Variants in NAV3 observed in about 807,000 individuals in gnomAD.
The protein encoded by NAV3 is neuron navigator 3.
NAV3 carries 87 observed loss-of-function variants against 244.7 expected under a neutral mutation model. That is an observed-to-expected ratio of 0.36 (90% confidence interval 0.30 to 0.42). The LOEUF (loss-of-function observed/expected upper bound fraction) is 0.42. Ranked by LOEUF, NAV3 falls within the 20% of genes least tolerant of loss-of-function variation. The probability of loss-of-function intolerance (pLI) is 1.00; values close to 1 mark genes in which losing one functional copy is unlikely to be tolerated. For missense variants in NAV3, 2,663 were observed against 2,893.3 expected, an observed-to-expected ratio of 0.92 and a Z score of 1.83; for synonymous variants, 1,126 against 1,042.2, an observed-to-expected ratio of 1.08 and a Z score of -1.55.
chr12:78,110,662 C>T (rs571025405), intron 12 of NAV3, among the ~76,000 whole-genome samples: 1 of 151,774 alleles, frequency 6.6e-6, no homozygotes, highest in Admixed American at 6.6e-5. Context: ...GAATAGAAAG[C>T]TCAGAAATAA....
intron 2 of NAV3, among the ~76,000 whole-genome samples, chr12:77,654,597 G>C (rs958400043): frequency 6.6e-6 from 1 of 152,138 alleles, no homozygotes; most frequent in Non-Finnish European, 1.5e-5. Flanking sequence ...GCTTTGAGGA[G>C]AGCAGTGGTT....
intron 7 of NAV3, among the ~76,000 whole-genome samples, chr12:78,005,217 G>A (rs895164617): frequency 2.6e-5 from 4 of 152,130 alleles, no homozygotes; most frequent in African/African-American, 9.7e-5. Flanking sequence ...TGACATTAGG[G>A]GAACCTGAAG....
chr12:78,050,737 T>C (rs770934226), intron 10 of NAV3, 27 bp from the exon 11 acceptor site: 2 of 1,560,930 alleles, frequency 1.3e-6, no homozygotes, highest in Non-Finnish European at 1.7e-6. Context: ...AACCAGAGTA[T>C]AGTTATTTCT....
rs1450103692 is a variant in NAV3 at position 78,128,840 on chromosome 12, C to G, written c.4415C>G (p.Ala1472Gly). 1 of 1,613,612 alleles carries G rather than the reference C, an allele frequency of 6.2e-7. No homozygotes were observed. Among genetic ancestry groups the G allele is most frequent in the Non-Finnish European group, 8.5e-7 (1 of 1,179,834 alleles). Reference protein sequence around the residue: ...VSPSAMSSSAAGKYHFSNLVS... With the variant: ...VSPSAMSSSAGGKYHFSNLVS... ...CCTTCTGCCATGTCATCTTCTGCAG[C>G]TGGAAAATACCACTTTTCTAACTTG... is the stretch of plus-strand genomic sequence containing the variant. Residue 1472 changes from alanine (A) to glycine (G), a missense_variant, in exon 18 of 40, where the codon GCT becomes GGT. Physicochemically the swap from Ala to Gly is moderately conservative, Grantham distance 60 (BLOSUM62 0). Coordinates refer to ENST00000397909, the MANE Select transcript of NAV3 (RefSeq NM_001024383.2).
At chr12:77,821,401 C>T (rs1364046168) in intron 2 of NAV3, among the ~76,000 whole-genome samples, 3 of 152,284 alleles carry the variant, frequency 2.0e-5, no homozygotes, top group African/African-American at 7.2e-5. Flanking sequence ...GATTTACTCT[C>T]AATCCCTGAA....
At chr12:78,032,765 T>A (rs1439030654) in intron 9 of NAV3, among the ~76,000 whole-genome samples, 1 of 152,228 alleles carries the variant, frequency 6.6e-6, no homozygotes, top group Non-Finnish European at 1.5e-5. Flanking sequence ...TATTCTCACA[T>A]TCATTGACAG....
chr12:77,938,977 G>C (rs1329069406), intron 1 of NAV3, among the ~76,000 whole-genome samples: 1 of 149,882 alleles, frequency 6.7e-6, no homozygotes, highest in African/African-American at 2.5e-5. Context: ...GTGGCATGGT[G>C]TGAAGTGCGG....
chr12:78,147,923 T>C (rs746191987), intron 21 of NAV3, among the ~76,000 whole-genome samples: 9 of 152,094 alleles, frequency 5.9e-5, no homozygotes, highest in Admixed American at 4.6e-4. Flanking sequence ...AGACTAGATA[T>C]ATACTTATAG....
chr12:78,116,742 A>T (rs1231557670), intron 12 of NAV3, 30 bp from the exon 13 acceptor site: 1 of 1,521,040 alleles, frequency 6.6e-7, no homozygotes, highest in Non-Finnish European at 8.9e-7. Context: ...CCTGTGTTTG[A>T]TTCACTGCTC....
chr12:77,784,253 C>T (rs2135924857), intron 2 of NAV3, among the ~76,000 whole-genome samples: 1 of 152,262 alleles, frequency 6.6e-6, no homozygotes, highest in East Asian at 1.9e-4. Context: ...GATGTCCCCT[C>T]TCCCCTAGAT....
intron 2 of NAV3, among the ~76,000 whole-genome samples, chr12:77,820,089 AGT>A (rs77744703): frequency 0.52 from 78,511 of 151,054 alleles, 21,108 homozygotes; most frequent in Non-Finnish European, 0.6. Flanking sequence ...AATAAATTGA[AGT>A]GTGTGTGTGT....
chr12:77,615,923 C>T (rs966517895), intron 2 of NAV3, among the ~76,000 whole-genome samples: 4 of 152,120 alleles, frequency 2.6e-5, no homozygotes, highest in African/African-American at 9.7e-5. Context: ...CACTAACTTG[C>T]GGGGCAGAGG....
intron 2 of NAV3, among the ~76,000 whole-genome samples, chr12:77,718,312 A>G (rs1272765120): frequency 3.3e-5 from 5 of 152,074 alleles, no homozygotes; most frequent in African/African-American, 9.7e-5. Flanking sequence ...TTTTCCCATC[A>G]CCATTTGTTT....
chr12:78,208,553 T>C (rs1565807693), intron 39 of NAV3, among the ~76,000 whole-genome samples: 1 of 152,166 alleles, frequency 6.6e-6, no homozygotes, highest in Non-Finnish European at 1.5e-5. Context: ...CTCCCTTGAT[T>C]TGAATGCACA....
In NAV3 at chr12:78,177,634, G is replaced by A. The variant is rs1358763306; in HGVS notation, c.5312G>A (p.Trp1771Ter). 8 of 1,596,856 alleles carry A rather than the reference G, an allele frequency of 5.0e-6. No individual in the cohort carries two copies. Among genetic ancestry groups the A allele is most frequent in the Non-Finnish European group, 6.8e-6 (8 of 1,179,130 alleles). ...TGTACATACAGGTCACCCCTTGTCTGGCCACCAAAGAAACGACAAAATGGC... is the reference window on the plus strand; with the variant it reads ...TGTACATACAGGTCACCCCTTGTCTAGCCACCAAAGAAACGACAAAATGGC... ...SQSASASPLVWPPKKRQNGPV... is the reference protein window; with the variant it reads ...SQSASASPLV The change falls in exon 28 of 40, where the codon TGG becomes TAG. Residue 1771 changes from tryptophan to a stop codon, truncating the protein, a stop_gained. Transcript: ENST00000397909. LOFTEE classifies it high-confidence loss of function.
intron 22 of NAV3, 77 bp from the exon 23 acceptor site, chr12:78,159,126 T>G: frequency 8.0e-7 from 1 of 1,243,448 alleles, no homozygotes; most frequent in African/African-American, 1.5e-5. Flanking sequence ...AATTAAGCAT[T>G]TTGTAAAATG....
rs148708681 is a variant in NAV3 at position 78,159,382 on chromosome 12, G to A, written c.4869+96G>A. Reference sequence around the variant, plus strand: ...GAAGCTCCTTAAAAATAATATTCCAGGCTGAGTGCAGAGGCTCATGCCTGT... The same window carrying A: ...GAAGCTCCTTAAAAATAATATTCCAAGCTGAGTGCAGAGGCTCATGCCTGT... On this transcript the variant is annotated intron_variant, in intron 23 of 39. Transcript: ENST00000397909. 39 of 1,134,960 alleles carry A rather than the reference G, an allele frequency of 3.4e-5. No individual in the cohort carries two copies. The African/African-American group carries it at 4.8e-4, about 14-fold the overall frequency. The allele number at this position is 1,134,960 out of a possible 1,614,324, so 70.3% of individuals were successfully genotyped here. A position where few individuals can be genotyped will look rare whatever the true frequency, so the allele number is the denominator to read the frequency against.
At chr12:77,714,936 A>G (rs1565783602) in intron 2 of NAV3, among the ~76,000 whole-genome samples, 1 of 152,114 alleles carries the variant, frequency 6.6e-6, no homozygotes, top group Admixed American at 6.6e-5. Flanking sequence ...CCTTTACTTA[A>G]AAATATGATA....
intron 37 of NAV3, 93 bp downstream of exon 37, chr12:78,199,624 C>T (rs1300572783): frequency 7.8e-6 from 7 of 902,732 alleles, no homozygotes; most frequent in Non-Finnish European, 9.7e-6. Flanking sequence ...ACAAGCAAAG[C>T]TAATGCTTAT....
Sources: gnomAD v4.1 joint callset for allele counts (sites outside exome capture counted in the v4.1 genomes callset) on GRCh38, gnomAD v4.1.1 for gene constraint, MANE v1.5 for transcripts, NCBI Gene and HGNC (gene_info 2026-07-23, HGNC 2026-07-21) for gene names.